Variants in PCSK5 observed in about 807,000 individuals in gnomAD.
PCSK5 encodes the protein prohormone convertase 5.
In PCSK5, 129 loss-of-function variants were observed where a neutral mutation model predicts 233.2. That is an observed-to-expected ratio of 0.55 (90% CI 0.48 to 0.64). The LOEUF is 0.64. Among genes scored for constraint, PCSK5 ranks in the 30% least tolerant of loss-of-function variants. The pLI is 0.00. For synonymous variants in PCSK5, 825 were observed against 879.2 expected (o/e 0.94, Z 1.09); for missense variants, 2,076 against 2,430.1 (o/e 0.85, Z 3.06).
intron 10 of PCSK5, among the ~76,000 whole-genome samples, chr9:76,154,088 C>T (rs1231471644): frequency 2.0e-5 from 3 of 152,232 alleles, no homozygotes; most frequent in Non-Finnish European, 4.4e-5. Flanking sequence ...CTGCCCAACA[C>T]ATTTATTATG....
intron 27 of PCSK5, among the ~76,000 whole-genome samples, chr9:76,301,280 AAAAG>A (rs1476303674): frequency 6.6e-6 from 1 of 151,612 alleles, no homozygotes; most frequent in South Asian, 2.1e-4. Context: ...AAAAAAAAAA[AAAAG>A]AAAGAAAAGA....
chr9:76,358,396 A>T, intron 37 of PCSK5, 117 bp from the exon 38 acceptor site: 1 of 744,960 alleles, frequency 1.3e-6, no homozygotes, highest in Admixed American at 2.9e-5. Flanking sequence ...CAGTGATTCT[A>T]CCATTTTCAA....
intron 33 of PCSK5, 83 bp downstream of exon 33, chr9:76,328,322 G>GGACAA: frequency 2.1e-6 from 2 of 968,878 alleles, no homozygotes; most frequent in Non-Finnish European, 3.3e-6. Context: ...AGTAGATACT[G>GGACAA]GCTTCTTTCT....
At chr9:75,992,447 C>A (rs1385358217) in intron 3 of PCSK5, among the ~76,000 whole-genome samples, 1 of 152,102 alleles carries the variant, frequency 6.6e-6, no homozygotes, top group African/African-American at 2.4e-5. Context: ...TAGAAAAGAT[C>A]TTTTATTCCT....
chr9:76,337,840 T>A (rs867431241), intron 34 of PCSK5, among the ~76,000 whole-genome samples: 1,684 of 148,250 alleles, frequency 0.011, 24 homozygotes, highest in Middle Eastern at 0.1. Context: ...ATCTCTGTTT[T>A]AAAAAAAAAA....
chr9:76,071,080 A>G (rs1830464638), intron 6 of PCSK5, among the ~76,000 whole-genome samples: 1 of 152,224 alleles, frequency 6.6e-6, no homozygotes, highest in Admixed American at 6.5e-5. Context: ...TAGGGTTAAT[A>G]GTAAATTCCT....
At chr9:76,334,401 AACACTCAGC>A (rs1829619727) in intron 34 of PCSK5, among the ~76,000 whole-genome samples, 2 of 152,202 alleles carry the variant, frequency 1.3e-5, no homozygotes, top group Admixed American at 1.3e-4. Context: ...TTGCTTCTAC[AACACTCAGC>A]ACAGAGCCAC....
rs544711971 is a variant in PCSK5, at chr9:76,174,509, A to G, written c.1757-477A>G. Among the ~76,000 whole-genome samples the G allele has an allele frequency of 4.6e-5, 7 of 151,790 alleles. No homozygotes were observed. In the South Asian group the frequency reaches 1.5e-3, roughly 32 times the overall value. On this transcript the variant is annotated intron_variant, in intron 13 of 37. Coordinates refer to ENST00000674117, the MANE Select transcript of PCSK5 (RefSeq NM_001372043.1). ...GTATTTTTAGTAGAGACGGAGTTTC[A>G]CCGTGTTAGCCAGGGTGGTCTCAAT... is the stretch of plus-strand genomic sequence containing the variant.
intron 3 of PCSK5, among the ~76,000 whole-genome samples, chr9:75,999,515 C>G (rs575214860): frequency 6.6e-6 from 1 of 152,168 alleles, no homozygotes; most frequent in African/African-American, 2.4e-5. Context: ...AGGGATGGGC[C>G]GAATTAGAGG....
chr9:76,096,249 C>T (rs777829248), intron 8 of PCSK5, 147 bp downstream of exon 8: 65 of 625,772 alleles, frequency 1.0e-4, no homozygotes, highest in Non-Finnish European at 1.5e-4. Context: ...ATTAGATTCG[C>T]TGATAATAGA....
chr9:76,238,381 C>A (rs1032963963), intron 22 of PCSK5, among the ~76,000 whole-genome samples: 1 of 152,156 alleles, frequency 6.6e-6, no homozygotes, highest in Admixed American at 6.5e-5. Flanking sequence ...CTCAGGAATG[C>A]ACGTAAAAGA....
At chr9:76,143,649 T>C (rs542429133) in intron 10 of PCSK5, among the ~76,000 whole-genome samples, 1 of 152,256 alleles carries the variant, frequency 6.6e-6, no homozygotes, top group South Asian at 2.1e-4. Context: ...TTCAGCGACA[T>C]TTTTTATCAT....
At chr9:76,081,401 T>C (rs889012284) in intron 7 of PCSK5, among the ~76,000 whole-genome samples, 7 of 151,808 alleles carry the variant, frequency 4.6e-5, no homozygotes, top group African/African-American at 7.3e-5. Context: ...TTGCAGTGAG[T>C]TGAGATTGCG....
At position 76,350,900 on chromosome 9, in the gene PCSK5, G is replaced by A. The variant is rs201136565; in HGVS notation, c.5039G>A (p.Cys1680Tyr). ...HLMGGICTSD[C>Y]LVGEYRVGEG... is the part of the protein sequence containing the mutation. ...ATGGGAGGGATCTGCACCTCGGACT[G>A]TCTTGTGGGGGAATACAGAGTGGGA... The change falls in exon 36 of 38, where the codon TGT (cysteine) becomes TAT (tyrosine). Residue 1680 changes from cysteine (C) to tyrosine (Y), a missense_variant. Physicochemically the swap from Cys to Tyr is radical, Grantham distance 194 (BLOSUM62 -2). This residue lies in a region of PCSK5 where 1,510 missense variants were observed against 1,538.1 expected (regional missense o/e 0.98). Coordinates refer to ENST00000674117, the MANE Select transcript of PCSK5 (RefSeq NM_001372043.1). 1.5e-3 allele frequency: 2,408 copies of A among 1,605,802 alleles called. 1 individual carries two copies. The highest frequency in any genetic ancestry group is 1.9e-3 in the Non-Finnish European group (2,269 of 1,174,160).
chr9:76,293,638 CAG>C (rs1440366815), intron 25 of PCSK5, among the ~76,000 whole-genome samples: 1 of 152,180 alleles, frequency 6.6e-6, no homozygotes, highest in Admixed American at 6.5e-5. Flanking sequence ...TTAGCAGAGA[CAG>C]GGTTTCGCCA....
intron 30 of PCSK5, among the ~76,000 whole-genome samples, chr9:76,312,753 ATATTG>A: frequency 6.6e-6 from 1 of 152,298 alleles, no homozygotes; most frequent in East Asian, 1.9e-4. Context: ...CAATATCAAT[ATATTG>A]TATTGTATAT....
intron 24 of PCSK5, among the ~76,000 whole-genome samples, chr9:76,282,075 TC>T (rs147998670): frequency 1.4e-5 from 2 of 139,728 alleles, no homozygotes; most frequent in Non-Finnish European, 3.1e-5. Context: ...TTTTTTTTTT[TC>T]CCCACTCTGT....
chr9:76,145,074 A>G (rs758106120), intron 10 of PCSK5, among the ~76,000 whole-genome samples: 2 of 152,098 alleles, frequency 1.3e-5, no homozygotes, highest in African/African-American at 2.4e-5. Context: ...GCAGTGAGCC[A>G]AGATTGTGCC....
At chr9:76,330,751 C>A (rs1042485124) in intron 33 of PCSK5, among the ~76,000 whole-genome samples, 1 of 152,138 alleles carries the variant, frequency 6.6e-6, no homozygotes, top group Admixed American at 6.6e-5. Flanking sequence ...CTGATCACTT[C>A]ACAATAGAAA....
Sources: gnomAD v4.1 joint callset for allele counts (sites outside exome capture counted in the v4.1 genomes callset) on GRCh38, gnomAD v4.1.1 for gene constraint, gnomAD v4.1.1 regional missense constraint, MANE v1.5 for transcripts, NCBI Gene and HGNC (gene_info 2026-07-23, HGNC 2026-07-21) for gene names.